The following NAALADL2 variants were observed in gnomAD, a reference collection of about 807,000 sequenced individuals.
The protein encoded by NAALADL2 is N-acetylated alpha-linked acidic dipeptidase like 2, also known as inactive N-acetylated-alpha-linked acidic dipeptidase-like protein 2.
In NAALADL2, 76 loss-of-function variants were observed where a neutral mutation model predicts 87.2. That is an observed-to-expected ratio of 0.87 (90% confidence interval 0.72 to 1.05). The LOEUF is 1.05. NAALADL2 is among the 50% of genes least tolerant of loss of function. NAALADL2 has a pLI of 0.00. For missense variants in NAALADL2, 1,089 were observed against 945.8 expected, an observed-to-expected ratio of 1.15 and a Z score of -1.99; for synonymous variants, 354 against 331.0, an observed-to-expected ratio of 1.07 and a Z score of -0.75.
chr3:175,271,716 A>AG (rs776382219), intron 4 of NAALADL2, among the ~76,000 whole-genome samples: 1 of 152,122 alleles, frequency 6.6e-6, no homozygotes, highest in African/African-American at 2.4e-5. Flanking sequence ...CATTTGAACA[A>AG]GGGGGGAGGC....
intron 10 of NAALADL2, among the ~76,000 whole-genome samples, chr3:175,602,787 C>T (rs1723152099): frequency 6.6e-6 from 1 of 152,146 alleles, no homozygotes; most frequent in South Asian, 2.1e-4. Flanking sequence ...TTATGAAGAG[C>T]TTTAAATTCC....
chr3:174,939,758 C>T (rs1738277827), intron 1 of NAALADL2, among the ~76,000 whole-genome samples: 1 of 151,814 alleles, frequency 6.6e-6, no homozygotes, highest in African/African-American at 2.4e-5. Context: ...ATTTTACTCT[C>T]TTTGTGGCAA....
At chr3:175,564,445 C>T (rs899991980) in intron 9 of NAALADL2, among the ~76,000 whole-genome samples, 1 of 151,860 alleles carries the variant, frequency 6.6e-6, no homozygotes, top group African/African-American at 2.4e-5. Flanking sequence ...GATTTGAAAA[C>T]CAGTTAGATT....
intron 2 of NAALADL2, among the ~76,000 whole-genome samples, chr3:174,723,223 C>A (rs1731867405): frequency 6.6e-6 from 1 of 152,010 alleles, no homozygotes; most frequent in South Asian, 2.1e-4. Context: ...CCTTTCTGAG[C>A]CTATTTCCTA....
chr3:174,569,308 G>T (rs1714649303), intron 2 of NAALADL2, among the ~76,000 whole-genome samples: 1 of 151,880 alleles, frequency 6.6e-6, no homozygotes, highest in African/African-American at 2.4e-5. Flanking sequence ...AATTAATAAT[G>T]TAAGAATAGT....
intron 3 of NAALADL2, among the ~76,000 whole-genome samples, chr3:174,838,689 A>T (rs1484814381): frequency 6.6e-6 from 1 of 152,210 alleles, no homozygotes; most frequent in East Asian, 1.9e-4. Context: ...TAACTCTTCT[A>T]TACACCAATA....
At chr3:175,591,357 G>A (rs1721423678) in intron 10 of NAALADL2, among the ~76,000 whole-genome samples, 1 of 152,080 alleles carries the variant, frequency 6.6e-6, no homozygotes, top group African/African-American at 2.4e-5. Flanking sequence ...TTTCCTAAAA[G>A]CATTTGTTCA....
At chr3:174,639,561 G>T (rs1355401437) in intron 2 of NAALADL2, among the ~76,000 whole-genome samples, 1 of 152,070 alleles carries the variant, frequency 6.6e-6, no homozygotes, top group Non-Finnish European at 1.5e-5. Context: ...TCCAGAAGTG[G>T]TGGTTAAACC....
intron 1 of NAALADL2, among the ~76,000 whole-genome samples, chr3:175,093,414 T>A (rs60529057): frequency 0.23 from 26,869 of 117,484 alleles, 2,667 homozygotes; most frequent in East Asian, 0.37. Context: ...CATTTTATTT[T>A]TTTATATATA....
chr3:174,803,822 G>A (rs191146292), intron 3 of NAALADL2, among the ~76,000 whole-genome samples: 1 of 152,166 alleles, frequency 6.6e-6, no homozygotes. Context: ...CTGTTCCATT[G>A]GCCTATATAT....
intron 12 of NAALADL2, among the ~76,000 whole-genome samples, chr3:175,749,827 A>G (rs949986770): frequency 5.3e-5 from 8 of 152,194 alleles, no homozygotes; most frequent in Non-Finnish European, 8.8e-5. Context: ...TCGTTACTGT[A>G]GTTAACGGCC....
intron 2 of NAALADL2, among the ~76,000 whole-genome samples, chr3:175,172,310 T>G (rs1734961902): frequency 6.6e-6 from 1 of 152,136 alleles, no homozygotes; most frequent in South Asian, 2.1e-4. Context: ...AAACCAGTAG[T>G]AAATTTTGAC....
rs192410646 is a variant in NAALADL2, at chr3:175,677,286, C to T, written c.1896+49900C>T. On this transcript the variant is annotated intron_variant, in intron 11 of 13. Coordinates refer to ENST00000454872, the MANE Select transcript of NAALADL2 (RefSeq NM_207015.3). Reference sequence around the variant, plus strand: ...GCTGAAGCAGAAGAATTGCTTGAACCCAGGAGGTGGAGGTTGCAGTGAGCC... The same window carrying T: ...GCTGAAGCAGAAGAATTGCTTGAACTCAGGAGGTGGAGGTTGCAGTGAGCC... Among the ~76,000 whole-genome samples, 261 of 152,158 alleles carry T rather than the reference C, an allele frequency of 1.7e-3. 1 individual carries two copies. The highest frequency in any genetic ancestry group is 5.9e-3 in the African/African-American group (246 of 41,514).
chr3:175,098,230 T>C (rs1016391767), intron 2 of NAALADL2, among the ~76,000 whole-genome samples: 1 of 152,134 alleles, frequency 6.6e-6, no homozygotes, highest in African/African-American at 2.4e-5. Context: ...AACAACACTT[T>C]TCATGATACT....
chr3:174,617,767 T>C, intron 2 of NAALADL2, among the ~76,000 whole-genome samples: 1 of 151,826 alleles, frequency 6.6e-6, no homozygotes, highest in East Asian at 1.9e-4. Context: ...AGAGATGATT[T>C]ACCAAGGATA....
In NAALADL2 at chr3:175,196,982, T is replaced by C. The variant is rs1352311036; in HGVS notation, c.546-36949T>C. On this transcript the variant is annotated intron_variant, in intron 2 of 13. Coordinates refer to ENST00000454872, the MANE Select transcript of NAALADL2 (RefSeq NM_207015.3). ...TCATTCCAGGTTTATGGTATTGCAC[T>C]AAAAAATAAGAAAAAAATAGGTGAG... 2.0e-5 allele frequency among the ~76,000 whole-genome samples: 3 copies of C among 152,002 alleles called. No homozygotes were observed. The East Asian group carries it at 5.8e-4, about 29-fold the overall frequency.
intron 9 of NAALADL2, among the ~76,000 whole-genome samples, chr3:175,510,410 T>C (rs1730999780): frequency 6.6e-6 from 1 of 152,156 alleles, no homozygotes; most frequent in Non-Finnish European, 1.5e-5. Flanking sequence ...TTTTGTTCAT[T>C]CCCACATGAA....
At chr3:175,413,240 T>C (rs1444871603) in intron 5 of NAALADL2, among the ~76,000 whole-genome samples, 1 of 148,600 alleles carries the variant, frequency 6.7e-6, no homozygotes, top group East Asian at 2.1e-4. Flanking sequence ...ATGGAGAACA[T>C]CCTGGCTAAC....
At chr3:175,746,897 A>G (rs563100124) in intron 12 of NAALADL2, among the ~76,000 whole-genome samples, 6 of 152,336 alleles carry the variant, frequency 3.9e-5, no homozygotes, top group Non-Finnish European at 8.8e-5. Flanking sequence ...GCCAAAATCC[A>G]TGAATGTTCA....
Sources: allele counts gnomAD v4.1 joint callset (sites outside exome capture counted in the v4.1 genomes callset), GRCh38; gene constraint gnomAD v4.1.1; transcripts MANE v1.5; gene names NCBI Gene and HGNC (gene_info 2026-07-23, HGNC 2026-07-21).